CACNA1A: variants seen among roughly 807,000 people sequenced by gnomAD.
CACNA1A encodes voltage-dependent P/Q-type calcium channel subunit alpha-1A.
A neutral mutation model predicts 262.4 loss-of-function variants in CACNA1A; 57 were observed. The observed-to-expected ratio is 0.22, with a 90% CI of 0.18 to 0.27. The LOEUF (loss-of-function observed/expected upper bound fraction) is 0.27. CACNA1A is among the 10% of genes least tolerant of loss of function. The probability of loss-of-function intolerance (pLI) is 1.00; values close to 1 mark genes in which losing one functional copy is unlikely to be tolerated. For synonymous variants in CACNA1A, 1,431 were observed against 1,419.3 expected (o/e 1.01, Z -0.18); for missense variants, 2,526 against 3,562.8 (o/e 0.71, Z 7.41).
At chr19:13,245,323 T>C in intron 30 of CACNA1A, 58 bp from the exon 31 acceptor site, 1 of 1,425,974 alleles carries the variant, frequency 7.0e-7, no homozygotes, top group Non-Finnish European at 9.9e-7. Context: ...CCCGGCCCCC[T>C]AGGCTGGCCG....
At position 13,208,864 on chromosome 19, in the gene CACNA1A, G is replaced by A; in HGVS notation, c.6672C>T (p.Asp2224=). 3.3e-6 allele frequency: 5 copies of A among 1,536,236 alleles called. No individual in the cohort carries two copies. Among genetic ancestry groups the A allele is most frequent in the Non-Finnish European group, 4.4e-6 (5 of 1,147,064 alleles). Residue 2224 remains aspartate (D), a synonymous_variant, in exon 46 of 47, where the codon GAC becomes GAT. Coordinates refer to ENST00000360228, the MANE Select transcript of CACNA1A (RefSeq NM_001127222.2). ...GCCGTTCCTGGGCATAGCGGTCCTT[G>A]TCGGGGGGCGGGGGATGGTGGTGGT... ...HHHHHHPPPP[D]KDRYAQERPD...
At chr19:13,400,207 TG>T (rs1463241016) in intron 3 of CACNA1A, among the ~76,000 whole-genome samples, 1 of 152,148 alleles carries the variant, frequency 6.6e-6, no homozygotes, top group Non-Finnish European at 1.5e-5. Context: ...TGTGTGTGTG[TG>T]GGTGTGCAAG....
chr19:13,352,226 T>A (rs1039818634), intron 6 of CACNA1A, among the ~76,000 whole-genome samples: 3 of 152,004 alleles, frequency 2.0e-5, no homozygotes, highest in African/African-American at 7.2e-5. Flanking sequence ...GCCAACATGA[T>A]GAAACCCCAT....
chr19:13,490,683 A>AAAG, intron 1 of CACNA1A, among the ~76,000 whole-genome samples: 1 of 123,210 alleles, frequency 8.1e-6, no homozygotes, highest in African/African-American at 3.5e-5. Context: ...AGAGAGAGAG[A>AAAG]GAAAGAAAGG....
intron 31 of CACNA1A, among the ~76,000 whole-genome samples, chr19:13,238,621 T>C (rs2055961441): frequency 1.3e-5 from 2 of 149,238 alleles, no homozygotes; most frequent in African/African-American, 5.0e-5. Flanking sequence ...AGTCTCACTC[T>C]GTTGCCCAGG....
In CACNA1A at chr19:13,334,463, C is replaced by T; in HGVS notation, c.1113G>A (p.Glu371=). ...GEFAKERERV[E]NRRAFLKLRR... is the part of the protein sequence containing the mutation. ...TCAGCTTCAGAAAAGCCCGCCGGTT[C>T]TCCACCCGTTCCCTTTCTTTGGCAA... Residue 371 remains glutamate, a synonymous_variant, in exon 8 of 47, where the codon GAG becomes GAA. Transcript: ENST00000360228. 1 of 1,612,352 alleles carries T rather than the reference C, an allele frequency of 6.2e-7. No individual in the cohort carries two copies. Among genetic ancestry groups the T allele is most frequent in the Non-Finnish European group, 8.5e-7 (1 of 1,178,480 alleles).
In CACNA1A at chr19:13,236,282, T is replaced by C. The variant is rs1471601821; in HGVS notation, c.4951-552A>G. The stretch of plus-strand genomic sequence containing the variant: ...ACATGTGCGGGTTCCGAGGGCATGT[T>C]ACGCTCCGGGCCAGAAATGCATCTG... On this transcript the variant is annotated intron_variant, in intron 31 of 46. Coordinates refer to ENST00000360228, the MANE Select transcript of CACNA1A (RefSeq NM_001127222.2). The surrounding 1 kb of genome is among the most constrained non-coding windows in gnomAD (Gnocchi z 4.6). Among the ~76,000 whole-genome samples, 2 of 152,096 alleles carry C rather than the reference T, an allele frequency of 1.3e-5. No individual in the cohort carries two copies. Among genetic ancestry groups the C allele is most frequent in the Non-Finnish European group, 2.9e-5 (2 of 68,010 alleles).
rs368921489 is a variant in CACNA1A, at chr19:13,211,811, T to C, written c.6303+292A>G. 281 of 383,776 alleles carry C rather than the reference T, an allele frequency of 7.3e-4. 1 individual carries two copies. Among genetic ancestry groups the C allele is most frequent in the African/African-American group, 5.0e-3 (244 of 49,142 alleles). The allele number at this position is 383,776 out of a possible 1,614,324, so 23.8% of individuals were successfully genotyped here. ...CCCACAAATCTTCCACAACCTCCCC[T>C]GTCTGCAGCCTCCAACCAGGGCAGC... On this transcript the variant is annotated intron_variant, in intron 43 of 46. Transcript: ENST00000360228.
At chr19:13,348,917 A>G (rs35951992) in intron 6 of CACNA1A, among the ~76,000 whole-genome samples, 10,207 of 151,170 alleles carry the variant, frequency 0.068, 484 homozygotes, top group African/African-American at 0.14. Flanking sequence ...TTGAGGCACA[A>G]GAATCGCTTG....
intron 6 of CACNA1A, among the ~76,000 whole-genome samples, chr19:13,336,610 A>G (rs538389963): frequency 1.6e-4 from 22 of 137,790 alleles, no homozygotes; most frequent in African/African-American, 4.5e-4. Flanking sequence ...AGAGAGAGAG[A>G]GAGAGAGAGA....
intron 1 of CACNA1A, among the ~76,000 whole-genome samples, chr19:13,504,885 G>T (rs1458688700): frequency 1.3e-5 from 2 of 152,022 alleles, no homozygotes; most frequent in African/African-American, 2.4e-5. Flanking sequence ...GGGATTTAAA[G>T]AAACACAGAA....
intron 10 of CACNA1A, among the ~76,000 whole-genome samples, chr19:13,322,344 A>G (rs1438313034): frequency 6.6e-6 from 1 of 152,164 alleles, no homozygotes; most frequent in Non-Finnish European, 1.5e-5. Flanking sequence ...AGAAAATACC[A>G]TGGAACAGAT....
At chr19:13,260,591 G>C (rs1294623394) in intron 26 of CACNA1A, 1 of 151,656 alleles carries the variant, frequency 6.6e-6, no homozygotes, top group African/African-American at 2.4e-5. Context: ...CTCATGATCC[G>C]CCCGCCTCGG....
intron 3 of CACNA1A, among the ~76,000 whole-genome samples, chr19:13,387,018 C>G (rs1259873674): frequency 6.6e-6 from 1 of 151,960 alleles, no homozygotes; most frequent in Non-Finnish European, 1.5e-5. Context: ...GTGGTGCAAT[C>G]TGGGCTCACT....
At chr19:13,367,367 G>A (rs904649806) in intron 4 of CACNA1A, among the ~76,000 whole-genome samples, 1 of 149,468 alleles carries the variant, frequency 6.7e-6, no homozygotes, top group Non-Finnish European at 1.5e-5. Flanking sequence ...GAAGCCCCAT[G>A]TTTGCCCATG....
At chr19:13,392,312 G>C (rs1462223412) in intron 3 of CACNA1A, among the ~76,000 whole-genome samples, 2 of 152,198 alleles carry the variant, frequency 1.3e-5, no homozygotes, top group African/African-American at 4.8e-5. Flanking sequence ...GGGTACTGTT[G>C]CGAGACCTTG....
intron 1 of CACNA1A, among the ~76,000 whole-genome samples, chr19:13,459,450 C>T (rs1386737734): frequency 2.0e-5 from 3 of 152,154 alleles, no homozygotes; most frequent in Non-Finnish European, 2.9e-5. Context: ...AAGCAAAATC[C>T]GAGACTCAGG....
intron 1 of CACNA1A, among the ~76,000 whole-genome samples, chr19:13,468,057 C>T (rs2061286237): frequency 6.6e-6 from 1 of 151,782 alleles, no homozygotes; most frequent in Non-Finnish European, 1.5e-5. Context: ...AAAGTTTAAA[C>T]ATGGAAGAAT....
At chr19:13,427,313 G>A (rs996012345) in intron 3 of CACNA1A, among the ~76,000 whole-genome samples, 9 of 152,170 alleles carry the variant, frequency 5.9e-5, no homozygotes, top group Non-Finnish European at 1.2e-4. Context: ...TTAGCCAGGC[G>A]TGGTGGCATA....
Sources: gnomAD v4.1 joint callset for allele counts (sites outside exome capture counted in the v4.1 genomes callset) on GRCh38, gnomAD v4.1.1 for gene constraint, Gnocchi (gnomAD v3.1) non-coding constraint, MANE v1.5 for transcripts, NCBI Gene and HGNC (gene_info 2026-07-23, HGNC 2026-07-21) for gene names.